Variants in CLIP1 observed in about 807,000 individuals in gnomAD.
The protein encoded by CLIP1 is CAP-Gly domain containing linker protein 1.
In CLIP1, 66 loss-of-function variants were observed where a neutral mutation model predicts 161.6. That is an observed-to-expected ratio of 0.41 (90% CI 0.33 to 0.50). CLIP1 has a LOEUF of 0.50. CLIP1 is among the 20% of genes least tolerant of loss of function. The pLI is 0.27. For synonymous variants in CLIP1, 598 were observed against 626.2 expected (o/e 0.96, Z 0.67); for missense variants, 1,376 against 1,702.0 (o/e 0.81, Z 3.37).
intron 8 of CLIP1, 30 bp from the exon 9 acceptor site, chr12:122,351,173 C>G: frequency 7.3e-7 from 1 of 1,374,094 alleles, no homozygotes; most frequent in Non-Finnish European, 9.7e-7. Context: ...AAAAATTAAA[C>G]AACAACAAAA....
intron 20 of CLIP1, among the ~76,000 whole-genome samples, chr12:122,306,448 A>ACACC (rs1351547340): frequency 1.3e-5 from 2 of 152,028 alleles, no homozygotes; most frequent in Non-Finnish European, 2.9e-5. Flanking sequence ...TACTCACCAA[A>ACACC]CACCCATGCA....
chr12:122,301,742 G>A (rs572910714), intron 20 of CLIP1, among the ~76,000 whole-genome samples: 16 of 152,180 alleles, frequency 1.1e-4, no homozygotes, highest in Non-Finnish European at 2.4e-4. Flanking sequence ...TTAGCTCTCT[G>A]TTTACTTGGA....
At chr12:122,380,200 G>A (rs545542950) in intron 2 of CLIP1, among the ~76,000 whole-genome samples, 168 bp downstream of exon 2, 72 of 150,340 alleles carry the variant, frequency 4.8e-4, no homozygotes, top group African/African-American at 6.1e-4. Flanking sequence ...CCAAGATTGC[G>A]CCACTGCACT....
chr12:122,327,365 A>G (rs921617011), intron 17 of CLIP1, among the ~76,000 whole-genome samples: 2 of 152,152 alleles, frequency 1.3e-5, no homozygotes, highest in African/African-American at 2.4e-5. Flanking sequence ...ATTCTGCTCT[A>G]TCTACTAACA....
chr12:122,330,602 T>TTTTTTTTTGTTTTTTTTTTTTG (rs1951907515), intron 15 of CLIP1, among the ~76,000 whole-genome samples: 3 of 138,274 alleles, frequency 2.2e-5, no homozygotes, highest in South Asian at 2.4e-4. Flanking sequence ...ATGCAGTTTT[T>TTTTTTTTTGTTTTTTTTTTTTG]TTTTTTTTTT....
At chr12:122,275,642 G>GTGCA (rs1555253390) in intron 24 of CLIP1, 8 of 109,982 alleles carry the variant, frequency 7.3e-5, no homozygotes, top group African/African-American at 3.7e-4. Context: ...ACACACACAC[G>GTGCA]CGCACACACA....
chr12:122,403,360 A>C (rs1956203819), intron 1 of CLIP1, among the ~76,000 whole-genome samples: 1 of 152,154 alleles, frequency 6.6e-6, no homozygotes, highest in South Asian at 2.1e-4. Context: ...AAACACACCC[A>C]CATGAAACTC....
intron 15 of CLIP1, among the ~76,000 whole-genome samples, chr12:122,330,823 G>C (rs957886784): frequency 2.8e-4 from 43 of 151,588 alleles, no homozygotes; most frequent in African/African-American, 9.7e-4. Context: ...GGCTGTTCTT[G>C]AACTCCTGAC....
Position 122,347,409 on chromosome 12 carries a change from G to T in CLIP1, c.1472C>A (p.Ala491Asp). 1 of 1,613,710 alleles carries T rather than the reference G, an allele frequency of 6.2e-7. No individual in the cohort carries two copies. The highest frequency in any genetic ancestry group is 8.5e-7 in the Non-Finnish European group (1 of 1,179,600). ...TTCTAACTCCCTCTGGAGTTTGTCA[G>T]CTTTGGTCTTTTCAAAGAGCAGGCT... ...EQSLLFEKTK[A>D]DKLQRELEDT... Residue 491 changes from alanine (A) to aspartate (D), a missense_variant, in exon 10 of 26, where the codon GCT becomes GAT. By Grantham distance (126) the Ala-to-Asp change is moderately radical (BLOSUM62 -2). Transcript: ENST00000620786.
intron 19 of CLIP1, among the ~76,000 whole-genome samples, chr12:122,314,488 A>C (rs1439530583): frequency 6.6e-6 from 1 of 151,962 alleles, no homozygotes. Flanking sequence ...AACAAATAAA[A>C]ACAACAAAAG....
chr12:122,385,832 C>A (rs1955232615), intron 1 of CLIP1, among the ~76,000 whole-genome samples: 1 of 152,150 alleles, frequency 6.6e-6, no homozygotes, highest in African/African-American at 2.4e-5. Context: ...GAGCCCCCTT[C>A]AGAGGGGTGA....
At chr12:122,392,388 C>A (rs556307448) in intron 1 of CLIP1, among the ~76,000 whole-genome samples, 1 of 152,200 alleles carries the variant, frequency 6.6e-6, no homozygotes, top group South Asian at 2.1e-4. Context: ...AATAAGCAAT[C>A]CCCTATAACC....
chr12:122,297,919 G>T (rs528425733), intron 20 of CLIP1, among the ~76,000 whole-genome samples: 1 of 152,072 alleles, frequency 6.6e-6, no homozygotes, highest in Non-Finnish European at 1.5e-5. Context: ...GGGTCATGTC[G>T]CCCTCCCAGC....
intron 1 of CLIP1, among the ~76,000 whole-genome samples, chr12:122,384,500 A>T (rs921997128): frequency 6.6e-6 from 1 of 152,084 alleles, no homozygotes; most frequent in Non-Finnish European, 1.5e-5. Flanking sequence ...AGTGGCTCAT[A>T]CCTATAATCC....
intron 9 of CLIP1, among the ~76,000 whole-genome samples, chr12:122,350,656 C>A (rs368714888): frequency 1.3e-5 from 2 of 151,516 alleles, no homozygotes; most frequent in East Asian, 1.9e-4. Flanking sequence ...CAGCAGCCAG[C>A]CTCACAATCC....
intron 1 of CLIP1, among the ~76,000 whole-genome samples, chr12:122,417,257 T>C (rs964569907): frequency 2.6e-5 from 4 of 151,938 alleles, no homozygotes; most frequent in African/African-American, 4.8e-5. Flanking sequence ...GATTGCTCCA[T>C]TGCACTCCAG....
rs35483741 is a variant in CLIP1, at chr12:122,278,216, GAA to G, written c.3917-15_3917-14del. 9.7e-4 allele frequency: 1,306 copies of G among 1,352,884 alleles called. No individual in the cohort carries two copies. Among genetic ancestry groups the G allele is most frequent in the Non-Finnish European group, 1.1e-3 (1,081 of 996,746 alleles). The allele number at this position is 1,352,884 out of a possible 1,614,324, so 83.8% of individuals were successfully genotyped here. On this transcript the variant is annotated splice_polypyrimidine_tract_variant and intron_variant, in intron 23 of 25. Transcript: ENST00000620786. The stretch of plus-strand genomic sequence containing the variant: ...GTGTCTGTATTACCTTATATTTGAG[GAA>G]AAAAAAAAAAAAACAAGTGGAGGGA...
At chr12:122,286,578 G>A (rs148572937) in intron 21 of CLIP1, among the ~76,000 whole-genome samples, 62 of 145,942 alleles carry the variant, frequency 4.2e-4, no homozygotes, top group Non-Finnish European at 7.2e-4. Context: ...TCAGGGGCAC[G>A]GCAGTGGTGA....
chr12:122,329,932 A>G (rs1281284721), intron 15 of CLIP1, among the ~76,000 whole-genome samples: 4 of 152,278 alleles, frequency 2.6e-5, no homozygotes, highest in Admixed American at 1.3e-4. Flanking sequence ...AGCCTGACCA[A>G]CATAGAGAAA....
Sources: allele counts gnomAD v4.1 joint callset (sites outside exome capture counted in the v4.1 genomes callset), GRCh38; gene constraint gnomAD v4.1.1; transcripts MANE v1.5; gene names NCBI Gene and HGNC (gene_info 2026-07-23, HGNC 2026-07-21).